AK3: variants seen among roughly 807,000 people sequenced by gnomAD.
The protein encoded by AK3 is adenylate kinase 3.
A neutral mutation model predicts 23.7 loss-of-function variants in AK3; 27 were observed. The ratio of observed to expected loss-of-function variants is 1.14; its 90% CI spans 0.84 to 1.57. The LOEUF (loss-of-function observed/expected upper bound fraction) is 1.57. Among genes scored for constraint, AK3 ranks in the 40% most tolerant of loss-of-function variants. The probability of loss-of-function intolerance (pLI) is 0.00; values close to 1 mark genes in which losing one functional copy is unlikely to be tolerated. For missense variants in AK3, 406 were observed against 285.6 expected, an observed-to-expected ratio of 1.42 and a Z score of -3.04; for synonymous variants, 159 against 116.0, an observed-to-expected ratio of 1.37 and a Z score of -2.38.
At chr9:4,732,690 T>C (rs1409634721) in intron 1 of AK3, among the ~76,000 whole-genome samples, 1 of 152,136 alleles carries the variant, frequency 6.6e-6, no homozygotes, top group East Asian at 1.9e-4. Flanking sequence ...GTATGAGAAA[T>C]AAATGTTTAT....
intron 1 of AK3, among the ~76,000 whole-genome samples, chr9:4,735,348 T>A (rs1297122783): frequency 6.7e-5 from 7 of 104,512 alleles, no homozygotes; most frequent in Admixed American, 2.7e-4. Context: ...TATATACATA[T>A]ATAAATATAT....
rs138386660 is a variant in AK3 at position 4,711,361 on chromosome 9, AT to A, written c.*1614del. On this transcript the variant is annotated 3_prime_UTR_variant, in exon 5 of 5. Transcript: ENST00000381809. ...ATCCATAAGTTTGGTATTTCACAAC[AT>A]TTTTTAGAAAGCACATAAGATTAAC... The A allele has an allele frequency of 0.022, 3,337 of 152,678 alleles. 67 individuals are homozygous for A. Among genetic ancestry groups the A allele is most frequent in the Non-Finnish European group, 0.034 (2,314 of 68,012 alleles). 9.5% of individuals were successfully genotyped at this position (152,678 alleles called of 1,614,324 possible).
chr9:4,719,151 T>A lies in AK3; in HGVS notation c.428A>T (p.Asn143Ile), dbSNP rs755633461. Reference protein sequence around the residue: ...ASGRVYNIEFNPPKTVGIDDL... With the variant: ...ASGRVYNIEFIPPKTVGIDDL... ...ACTACTCACCACAGTTTTGGGAGGG[T>A]TGAATTCAATGTTATAGACTCGGCC... The change falls in exon 3 of 5, where the codon AAC (asparagine) becomes ATC (isoleucine). Residue 143 changes from asparagine (N) to isoleucine (I), a missense_variant. By Grantham distance (149) the Asn-to-Ile change is moderately radical. Transcript: ENST00000381809. 6 of 1,611,352 alleles carry A rather than the reference T, an allele frequency of 3.7e-6. No individual in the cohort carries two copies. The East Asian group carries it at 1.3e-4, about 36-fold the overall frequency.
Position 4,713,038 on chromosome 9 carries a change from C to T in AK3, c.622G>A (p.Val208Ile), listed in dbSNP as rs1841604402. 5.6e-6 allele frequency: 9 copies of T among 1,613,686 alleles called. No individual in the cohort carries two copies. The South Asian group carries it at 8.8e-5, about 16-fold the overall frequency. The change falls in exon 5 of 5, where the codon GTA becomes ATA. Residue 208 changes from valine (V) to isoleucine (I), a missense_variant. Coordinates refer to ENST00000381809, the MANE Select transcript of AK3 (RefSeq NM_016282.4). ...ACTTTAGTTTGTAGGAAAGCATATA[C>T]ATAGGGCCAAATCTTGTTGGTTTCT... ...GTETNKIWPY[V>I]YAFLQTKVPQ...
intron 1 of AK3, 27 bp downstream of exon 1, chr9:4,740,910 G>C (rs370541411): frequency 3.1e-5 from 46 of 1,504,514 alleles, no homozygotes; most frequent in African/African-American, 5.8e-5. Context: ...GACAGCGCAC[G>C]GCCGGCCCTG....
At chr9:4,733,306 G>A (rs767614458) in intron 1 of AK3, among the ~76,000 whole-genome samples, 3 of 150,242 alleles carry the variant, frequency 2.0e-5, no homozygotes, top group Non-Finnish European at 4.4e-5. Flanking sequence ...TTAGTTAAAT[G>A]ATAGCTTTAC....
chr9:4,729,015 A>ATTTAT (rs1554627059), intron 1 of AK3, among the ~76,000 whole-genome samples: 11 of 129,434 alleles, frequency 8.5e-5, no homozygotes, highest in African/African-American at 3.2e-4. Context: ...ATATATATAT[A>ATTTAT]TTTTTTTTTT....
At chr9:4,733,425 G>T (rs80166337) in intron 1 of AK3, among the ~76,000 whole-genome samples, 1,705 of 152,270 alleles carry the variant, frequency 0.011, 23 homozygotes, top group African/African-American at 0.039. Context: ...AAGGGGAACG[G>T]GAGGGCCCCC....
chr9:4,731,994 T>A (rs1199732491), intron 1 of AK3, among the ~76,000 whole-genome samples: 4 of 152,202 alleles, frequency 2.6e-5, no homozygotes, highest in African/African-American at 9.6e-5. Context: ...CTGACATCCA[T>A]GCTGGACTGC....
chr9:4,727,322 G>A (rs139128543), intron 1 of AK3, among the ~76,000 whole-genome samples: 1,963 of 152,252 alleles, frequency 0.013, 40 homozygotes, highest in African/African-American at 0.044. Flanking sequence ...TCCAATAGAA[G>A]GCTGTTTCGT....
At chr9:4,740,602 G>A (rs976480979) in intron 1 of AK3, among the ~76,000 whole-genome samples, 2 of 152,210 alleles carry the variant, frequency 1.3e-5, no homozygotes, top group Non-Finnish European at 2.9e-5. Context: ...AACAAGCTGC[G>A]GCTCAGCTCG....
At chr9:4,741,448 C>T (rs978907775), upstream of AK3, 5 of 208,938 alleles carry the variant, frequency 2.4e-5, no homozygotes, top group Non-Finnish European at 4.7e-5. Context: ...CGGATCCCTT[C>T]GGCGCCCCTC....
chr9:4,716,801 C>T (rs1165880251), intron 4 of AK3, among the ~76,000 whole-genome samples: 1 of 152,044 alleles, frequency 6.6e-6, no homozygotes, highest in Non-Finnish European at 1.5e-5. Context: ...TCTGGTGGCA[C>T]GGGCCTATAG....
At chr9:4,717,749 G>T (rs1381331513) in intron 4 of AK3, among the ~76,000 whole-genome samples, 1 of 152,228 alleles carries the variant, frequency 6.6e-6, no homozygotes, top group African/African-American at 2.4e-5. Context: ...CTTTGTGTTA[G>T]ATGATTTCGC....
At chr9:4,739,024 T>A (rs1842361747) in intron 1 of AK3, among the ~76,000 whole-genome samples, 1 of 152,016 alleles carries the variant, frequency 6.6e-6, no homozygotes, top group South Asian at 2.1e-4. Flanking sequence ...CCTGCCCGAC[T>A]CAGCCCCCAA....
rs574215828 is a variant in AK3 at position 4,711,695 on chromosome 9, A to G, written c.*1281T>C. The G allele has an allele frequency of 5.3e-4, 80 of 152,282 alleles. No homozygotes were observed. Among genetic ancestry groups the G allele is most frequent in the Admixed American group, 5.2e-3 (79 of 15,292 alleles). The allele number at this position is 152,282 out of a possible 1,614,324, so 9.4% of individuals were successfully genotyped here. A position where few individuals can be genotyped will look rare whatever the true frequency, so the allele number is the denominator to read the frequency against. On this transcript the variant is annotated 3_prime_UTR_variant, in exon 5 of 5. Coordinates refer to ENST00000381809, the MANE Select transcript of AK3 (RefSeq NM_016282.4). ...GAAGACATAATCAAGTTTTTCCTCC[A>G]TCTCTCATATTTCCCCACTTCTACC...
Position 4,734,202 on chromosome 9 carries a change from G to T in AK3, c.151+6735C>A, listed in dbSNP as rs541113866. 7.9e-5 allele frequency among the ~76,000 whole-genome samples: 12 copies of T among 152,284 alleles called. No individual in the cohort carries two copies. The South Asian group carries it at 2.5e-3, about 32-fold the overall frequency. On this transcript the variant is annotated intron_variant, in intron 1 of 4. Coordinates refer to ENST00000381809, the MANE Select transcript of AK3 (RefSeq NM_016282.4). Reference sequence around the variant, plus strand: ...AGGGTTGCCTGCTTACAGAGGAAAGGCCATGTGAGAACAAAGTGAGAAGGC... The same window carrying T: ...AGGGTTGCCTGCTTACAGAGGAAAGTCCATGTGAGAACAAAGTGAGAAGGC...
chr9:4,710,388 T>G lies in AK3; in HGVS notation c.*2588A>C. The G allele has an allele frequency of 7.2e-6, 1 of 139,736 alleles. No homozygotes were observed. The highest frequency in any genetic ancestry group is 7.0e-5 in the Admixed American group (1 of 14,284). 8.7% of individuals were successfully genotyped at this position (139,736 alleles called of 1,614,324 possible). A position where few individuals can be genotyped will look rare whatever the true frequency, so the allele number is the denominator to read the frequency against. ...ATGCCCGGCTAATTTTTTTTTTTTT[T>G]TTTTGTATTTTTAGTAGAGACGGGG... On this transcript the variant is annotated 3_prime_UTR_variant, in exon 5 of 5. Transcript: ENST00000381809.
intron 1 of AK3, among the ~76,000 whole-genome samples, chr9:4,725,735 T>A (rs996315104): frequency 3.9e-5 from 6 of 152,158 alleles, no homozygotes; most frequent in South Asian, 2.1e-4. Context: ...AACTCAATTT[T>A]AAAAAAATGT....
Sources: gnomAD v4.1 joint callset for allele counts (sites outside exome capture counted in the v4.1 genomes callset) on GRCh38, gnomAD v4.1.1 for gene constraint, MANE v1.5 for transcripts, NCBI Gene and HGNC (gene_info 2026-07-23, HGNC 2026-07-21) for gene names.